The following UCK2 variants were observed in gnomAD, a reference collection of about 807,000 sequenced individuals.
The protein encoded by UCK2 is cytidine monophosphokinase 2.
UCK2 carries 6 observed loss-of-function variants against 30.8 expected under a neutral mutation model. That is an observed-to-expected ratio of 0.19 (90% CI 0.11 to 0.38). UCK2 has a LOEUF of 0.38. UCK2 is among the 10% of genes least tolerant of loss of function. The pLI, the probability that UCK2 is intolerant of heterozygous loss-of-function variation, is 1.00. For missense variants in UCK2, 210 were observed against 339.8 expected (o/e 0.62, Z 3.00); for synonymous variants, 125 against 133.6 (o/e 0.94, Z 0.45).
chr1:165,875,739 T>C (rs1422810260), intron 1 of UCK2, among the ~76,000 whole-genome samples: 1 of 152,164 alleles, frequency 6.6e-6, no homozygotes, highest in African/African-American at 2.4e-5. Context: ...AGGACACAGA[T>C]GAAGAGACGC....
intron 1 of UCK2, among the ~76,000 whole-genome samples, chr1:165,859,600 CA>C (rs1654843202): frequency 6.6e-6 from 1 of 152,078 alleles, no homozygotes; most frequent in African/African-American, 2.4e-5. Flanking sequence ...GTGGGTGGAT[CA>C]CTTTGAGCCC....
chr1:165,895,087 C>T (rs769540158), intron 3 of UCK2, among the ~76,000 whole-genome samples: 59 of 152,302 alleles, frequency 3.9e-4, no homozygotes, highest in Non-Finnish European at 7.1e-4. Flanking sequence ...GTCGCCTAAC[C>T]GTTTAGCAAT....
chr1:165,855,542 T>C (rs1332537809), intron 1 of UCK2, among the ~76,000 whole-genome samples: 4 of 151,388 alleles, frequency 2.6e-5, no homozygotes, highest in Admixed American at 2.0e-4. Context: ...GCAAGCTCCT[T>C]CTGTCTGGGC....
At chr1:165,891,694 T>G (rs1284019385) in intron 3 of UCK2, 2 of 197,236 alleles carry the variant, frequency 1.0e-5, no homozygotes, top group Admixed American at 5.4e-5. Context: ...CAAAGAAAAC[T>G]GTTTTTTCTG....
intron 1 of UCK2, among the ~76,000 whole-genome samples, chr1:165,845,988 G>C (rs1182518066): frequency 6.6e-6 from 1 of 152,162 alleles, no homozygotes; most frequent in Non-Finnish European, 1.5e-5. Context: ...CTCACTGGCT[G>C]TCATGCCCTG....
chr1:165,878,763 T>C (rs1655401692), intron 1 of UCK2, among the ~76,000 whole-genome samples: 1 of 152,266 alleles, frequency 6.6e-6, no homozygotes, highest in South Asian at 2.1e-4. Context: ...CAATTATGAA[T>C]AAAGCTTCTA....
chr1:165,911,118 A>G lies in UCK2; in HGVS notation c.*3295A>G, dbSNP rs1647844338. 1 of 152,252 alleles carries G rather than the reference A, an allele frequency of 6.6e-6. No homozygotes were observed. Among genetic ancestry groups the G allele is most frequent in the Non-Finnish European group, 1.5e-5 (1 of 68,114 alleles). 9.4% of individuals were successfully genotyped at this position (152,252 alleles called of 1,614,324 possible). On this transcript the variant is annotated 3_prime_UTR_variant, in exon 7 of 7. Coordinates refer to ENST00000367879, the MANE Select transcript of UCK2 (RefSeq NM_012474.5). Reference sequence around the variant, plus strand: ...ATTTTCCCCTGCCCTGGAATCTCCTATGTGCCTGTTAAAGATTCCAGGGCC... The same window carrying G: ...ATTTTCCCCTGCCCTGGAATCTCCTGTGTGCCTGTTAAAGATTCCAGGGCC...
intron 1 of UCK2, among the ~76,000 whole-genome samples, chr1:165,875,560 C>T (rs1329745998): frequency 6.6e-6 from 1 of 152,110 alleles, no homozygotes; most frequent in East Asian, 1.9e-4. Flanking sequence ...TAAAACTGCC[C>T]CTGCCCCCTG....
At chr1:165,845,281 C>T (rs1289483666) in intron 1 of UCK2, among the ~76,000 whole-genome samples, 1 of 152,200 alleles carries the variant, frequency 6.6e-6, no homozygotes, top group African/African-American at 2.4e-5. Flanking sequence ...ATATTCTGTG[C>T]ACGGTAGAGG....
chr1:165,900,241 A>G (rs893234918), intron 4 of UCK2: 1 of 152,204 alleles, frequency 6.6e-6, no homozygotes, highest in African/African-American at 2.4e-5. Context: ...ACGCGTCCTC[A>G]GGTTCTGTTG....
chr1:165,878,812 TA>T (rs1174452278), intron 1 of UCK2, among the ~76,000 whole-genome samples: 12 of 152,362 alleles, frequency 7.9e-5, no homozygotes, highest in African/African-American at 2.9e-4. Context: ...ACATACATTT[TA>T]AACTCCTTTG....
intron 1 of UCK2, among the ~76,000 whole-genome samples, chr1:165,855,497 A>G (rs559046089): frequency 4.9e-4 from 72 of 146,456 alleles, no homozygotes; most frequent in African/African-American, 1.7e-3. Flanking sequence ...GTCACTTCCC[A>G]GTTTTTTCTT....
intron 1 of UCK2, among the ~76,000 whole-genome samples, chr1:165,848,660 C>CCCACA (rs1654513831): frequency 6.8e-6 from 1 of 147,890 alleles, no homozygotes; most frequent in Non-Finnish European, 1.5e-5. Flanking sequence ...ACACACACAC[C>CCCACA]CACACACACA....
intron 1 of UCK2, among the ~76,000 whole-genome samples, chr1:165,876,524 A>G (rs1406231072): frequency 1.3e-5 from 2 of 152,240 alleles, no homozygotes. Flanking sequence ...TTTATGACAT[A>G]TATCCTCTGT....
At chr1:165,906,382 A>C (rs1017479793) in intron 6 of UCK2, among the ~76,000 whole-genome samples, 4 of 151,944 alleles carry the variant, frequency 2.6e-5, no homozygotes, top group African/African-American at 9.7e-5. Flanking sequence ...CTTATTTTTC[A>C]TTTTATTTTA....
rs755721579 is a variant in UCK2, at chr1:165,890,380, A to AG, written c.259+22dup. On this transcript the variant is annotated intron_variant, in intron 2 of 6. Coordinates refer to ENST00000367879, the MANE Select transcript of UCK2 (RefSeq NM_012474.5). ...ACCACCCGGGTGAGTCGGGCATTGA[A>AG]GGGGGTATGTATCTGTATTGGTGTG... is the stretch of plus-strand genomic sequence containing the variant. 5 of 1,613,034 alleles carry AG rather than the reference A, an allele frequency of 3.1e-6. No individual in the cohort carries two copies. In the South Asian group the frequency reaches 5.5e-5, roughly 18 times the overall value.
chr1:165,880,307 G>T (rs1486932903), intron 1 of UCK2, among the ~76,000 whole-genome samples: 1 of 152,174 alleles, frequency 6.6e-6, no homozygotes, highest in Non-Finnish European at 1.5e-5. Flanking sequence ...TCAGTAAACA[G>T]GTCCCTAGCA....
intron 1 of UCK2, among the ~76,000 whole-genome samples, chr1:165,880,886 A>G (rs1655480953): frequency 6.6e-6 from 1 of 152,026 alleles, no homozygotes; most frequent in South Asian, 2.1e-4. Context: ...AAGATGATGT[A>G]GCAGGCTGGG....
intron 1 of UCK2, among the ~76,000 whole-genome samples, chr1:165,852,462 A>G (rs749771239): frequency 2.6e-5 from 4 of 152,186 alleles, no homozygotes; most frequent in Non-Finnish European, 5.9e-5. Flanking sequence ...AAACATGAGA[A>G]AAAGCTCAAC....
Sources: gnomAD v4.1 joint callset for allele counts (sites outside exome capture counted in the v4.1 genomes callset) on GRCh38, gnomAD v4.1.1 for gene constraint, MANE v1.5 for transcripts, NCBI Gene and HGNC (gene_info 2026-07-23, HGNC 2026-07-21) for gene names.